The following ZZEF1 variants were observed in gnomAD, a reference collection of about 807,000 sequenced individuals.
ZZEF1 encodes zinc finger ZZ-type and EF-hand domain-containing protein 1.
In ZZEF1, 157 loss-of-function variants were observed where a neutral mutation model predicts 342.8. That is an observed-to-expected ratio of 0.46 (90% CI 0.40 to 0.52). ZZEF1 has a LOEUF of 0.52. ZZEF1 is among the 20% of genes least tolerant of loss of function. ZZEF1 has a pLI of 0.00. For missense variants in ZZEF1, 3,480 were observed against 3,725.6 expected (o/e 0.93, Z 1.72); for synonymous variants, 1,505 against 1,429.1 (o/e 1.05, Z -1.20).
chr17:4,136,474 C>T (rs767990630), intron 1 of ZZEF1, among the ~76,000 whole-genome samples: 13 of 152,060 alleles, frequency 8.5e-5, no homozygotes, highest in South Asian at 8.3e-4. Flanking sequence ...ATGGGTGAGG[C>T]GACTGAGACA....
chr17:4,008,864 G>T lies in ZZEF1; in HGVS notation c.8805+19C>A, dbSNP rs1459432446. On this transcript the variant is annotated intron_variant, in intron 54 of 54. Coordinates refer to ENST00000381638, the MANE Select transcript of ZZEF1 (RefSeq NM_015113.4). The surrounding 1 kb of genome is among the most constrained non-coding windows in gnomAD (Gnocchi z 4.2). ...GCGCCCCAGCCTGGGGGCCAGCTCTGTTGGGGTGGAGAGAGTACCTGTGCC... is the reference window on the plus strand; with the variant it reads ...GCGCCCCAGCCTGGGGGCCAGCTCTTTTGGGGTGGAGAGAGTACCTGTGCC... The T allele has an allele frequency of 6.5e-7, 1 of 1,545,402 alleles. No individual in the cohort carries two copies. The highest frequency in any genetic ancestry group is 1.2e-5 in the South Asian group (1 of 84,142).
At chr17:4,106,475 A>T (rs546934834) in intron 6 of ZZEF1, among the ~76,000 whole-genome samples, 18 of 112,330 alleles carry the variant, frequency 1.6e-4, no homozygotes, top group African/African-American at 4.6e-4. Flanking sequence ...TTCAGCAGCA[A>T]CAGGGAAAAA....
At chr17:4,117,445 A>G (rs1033283575) in intron 2 of ZZEF1, among the ~76,000 whole-genome samples, 5 of 152,178 alleles carry the variant, frequency 3.3e-5, no homozygotes, top group East Asian at 3.9e-4. Context: ...CAAGAGTTCG[A>G]TATCAGCCTG....
chr17:4,012,467 CTG>C (rs1176115489), intron 52 of ZZEF1, among the ~76,000 whole-genome samples: 1 of 152,068 alleles, frequency 6.6e-6, no homozygotes, highest in Non-Finnish European at 1.5e-5. Context: ...TTCTGTGTGT[CTG>C]TGTCTGTGTG....
chr17:4,050,789 T>C lies in ZZEF1; in HGVS notation c.5855A>G (p.Gln1952Arg), dbSNP rs760233585. Residue 1952 changes from glutamine to arginine, a missense_variant, in exon 36 of 55, where the codon CAG (glutamine) becomes CGG (arginine). Gln to Arg is a conservative substitution (Grantham distance 43, BLOSUM62 1). Around this residue, in one of 5 missense-constraint regions of ZZEF1, gnomAD observed 1,269 missense variants for 1,342.4 expected, o/e 0.95. Transcript: ENST00000381638. ...LVGDCLMKAH[Q>R]GKGLKALALL... ...GTGCATTGGGAAGTCACCTTTTCCC[T>C]GATGAGCCTTCATCAGACAGTCCCC... 5 of 1,613,768 alleles carry C rather than the reference T, an allele frequency of 3.1e-6. No individual in the cohort carries two copies. In the Admixed American group the frequency reaches 6.7e-5, roughly 22 times the overall value.
intron 52 of ZZEF1, among the ~76,000 whole-genome samples, chr17:4,012,731 G>A (rs534412343): frequency 1.2e-4 from 18 of 152,244 alleles, no homozygotes; most frequent in Non-Finnish European, 2.2e-4. Context: ...TGACACGACT[G>A]TACACCAAAT....
At chr17:4,093,739 C>A (rs987294407) in intron 11 of ZZEF1, among the ~76,000 whole-genome samples, 1 of 152,126 alleles carries the variant, frequency 6.6e-6, no homozygotes, top group Non-Finnish European at 1.5e-5. Context: ...CTATTAACAC[C>A]AGCAATCCAC....
chr17:4,033,026 G>A, intron 40 of ZZEF1, 24 bp from the exon 41 acceptor site: 6 of 1,547,466 alleles, frequency 3.9e-6, no homozygotes, highest in Non-Finnish European at 5.2e-6. Flanking sequence ...GCTCCATTAG[G>A]GGCAGTACAC....
chr17:4,113,939 A>G (rs2058354174), intron 4 of ZZEF1, among the ~76,000 whole-genome samples: 1 of 152,220 alleles, frequency 6.6e-6, no homozygotes, highest in South Asian at 2.1e-4. Flanking sequence ...ACTGCACTCC[A>G]GCCTGGGAGA....
At chr17:4,097,672 G>A (rs1446498556) in intron 9 of ZZEF1, among the ~76,000 whole-genome samples, 5 of 151,970 alleles carry the variant, frequency 3.3e-5, no homozygotes, top group Admixed American at 1.3e-4. Flanking sequence ...TATTCCTTAT[G>A]GATACTGACC....
chr17:4,044,507 C>G lies in ZZEF1; in HGVS notation c.6016-133G>C, dbSNP rs2056869501. 3.9e-6 allele frequency: 3 copies of G among 760,252 alleles called. No homozygotes were observed. The South Asian group carries it at 5.8e-5, about 15-fold the overall frequency. The allele number at this position is 760,252 out of a possible 1,614,324, so 47.1% of individuals were successfully genotyped here. A position where few individuals can be genotyped will look rare whatever the true frequency, so the allele number is the denominator to read the frequency against. ...TTGAATGCCATTAGAAAATGCCACT[C>G]ATTTCTTTTTTCTTTTTTGTGTGTT... is the stretch of plus-strand genomic sequence containing the variant. On this transcript the variant is annotated intron_variant, in intron 37 of 54. Coordinates refer to ENST00000381638, the MANE Select transcript of ZZEF1 (RefSeq NM_015113.4).
chr17:4,085,370 A>G (rs2057799315), intron 16 of ZZEF1, among the ~76,000 whole-genome samples: 1 of 152,206 alleles, frequency 6.6e-6, no homozygotes, highest in South Asian at 2.1e-4. Context: ...GAATTTGCCT[A>G]TAATACAAAG....
intron 17 of ZZEF1, 34 bp downstream of exon 17, chr17:4,082,403 G>C (rs2057740768): frequency 2.5e-6 from 4 of 1,608,122 alleles, no homozygotes; most frequent in Non-Finnish European, 3.4e-6. Flanking sequence ...AAAGATTTGA[G>C]TTATCCGACA....
intron 39 of ZZEF1, among the ~76,000 whole-genome samples, chr17:4,039,340 T>C (rs1310646646): frequency 6.6e-6 from 1 of 151,822 alleles, no homozygotes; most frequent in African/African-American, 2.4e-5. Flanking sequence ...CATGGTGGCA[T>C]GCGCCTGTAA....
rs199583833 is a variant in ZZEF1, at chr17:4,017,763, A to T, written c.7642-33T>A. 6.2e-7 allele frequency: 1 copy of T among 1,613,026 alleles called. No individual in the cohort carries two copies. Among genetic ancestry groups the T allele is most frequent in the South Asian group, 1.1e-5 (1 of 90,992 alleles). ...CCCAAGACCACCATTACAGAGGTCT[A>T]GCCTTCTTACAGTGGTGGTATGGGG... On this transcript the variant is annotated intron_variant, in intron 47 of 54. Coordinates refer to ENST00000381638, the MANE Select transcript of ZZEF1 (RefSeq NM_015113.4). This position sits in a 1 kb window ranked among gnomAD's most constrained non-coding sequence, Gnocchi z 5.1.
chr17:4,136,338 C>T lies in ZZEF1; in HGVS notation c.354+6204G>A, dbSNP rs1386738263. Among the ~76,000 whole-genome samples the T allele has an allele frequency of 1.5e-4, 8 of 52,746 alleles. No homozygotes were observed. The South Asian group carries it at 2.2e-3, about 15-fold the overall frequency. The allele number at this position is 52,746 out of a possible 152,430, so 34.6% of individuals were successfully genotyped here. ...CAGCCTGGGCGACAGAGTGAGACTC[C>T]GTCTCAAAAAAAAAAAAACAAAGAC... On this transcript the variant is annotated intron_variant, in intron 1 of 54. Transcript: ENST00000381638.
chr17:4,017,485 C>T lies in ZZEF1; in HGVS notation c.7887G>A (p.Glu2629=), dbSNP rs774157976. The part of the protein sequence containing the change: ...ARHVLASLLA[E]WPSHVPVSED... ...CGCTCACTGGCACGTGGCTAGGCCA[C>T]TCGGCGAGCAGGGATGCAAGCACGT... is the stretch of plus-strand genomic sequence containing the variant. The change falls in exon 48 of 55, where the codon GAG becomes GAA. Residue 2629 remains glutamate (E), a synonymous_variant. Coordinates refer to ENST00000381638, the MANE Select transcript of ZZEF1 (RefSeq NM_015113.4). The surrounding 1 kb of genome is among the most constrained non-coding windows in gnomAD (Gnocchi z 5.1). The T allele has an allele frequency of 6.2e-7, 1 of 1,614,268 alleles. No individual in the cohort carries two copies. Among genetic ancestry groups the T allele is most frequent in the Non-Finnish European group, 8.5e-7 (1 of 1,180,052 alleles).
rs758252836 is a variant in ZZEF1 at position 4,050,913 on chromosome 17, C to G, written c.5731G>C (p.Ala1911Pro). ...ACATCCTCTGCACTGGCCAGGTGGGCGCTATAGAGAGCCAGGGCAGCAAAG... is the reference window on the plus strand; with the variant it reads ...ACATCCTCTGCACTGGCCAGGTGGGGGCTATAGAGAGCCAGGGCAGCAAAG... ...LLFAALALYS[A>P]HLASAEDVDG... The change falls in exon 36 of 55, where the codon GCC (alanine) becomes CCC (proline). Residue 1911 changes from alanine to proline, a missense_variant. By Grantham distance (27) the Ala-to-Pro change is conservative. Coordinates refer to ENST00000381638, the MANE Select transcript of ZZEF1 (RefSeq NM_015113.4). The G allele has an allele frequency of 1.2e-6, 2 of 1,614,136 alleles. No individual in the cohort carries two copies. The highest frequency in any genetic ancestry group is 4.5e-5 in the East Asian group (2 of 44,878).
chr17:4,037,255 G>A (rs1365867587), intron 39 of ZZEF1, among the ~76,000 whole-genome samples: 2 of 152,184 alleles, frequency 1.3e-5, no homozygotes, highest in Non-Finnish European at 2.9e-5. Context: ...AAAGATTATG[G>A]TAGAAAAGGC....
Sources: gnomAD v4.1 joint callset for allele counts (sites outside exome capture counted in the v4.1 genomes callset) on GRCh38, gnomAD v4.1.1 for gene constraint, gnomAD v4.1.1 regional missense constraint, Gnocchi (gnomAD v3.1) non-coding constraint, MANE v1.5 for transcripts, NCBI Gene and HGNC (gene_info 2026-07-23, HGNC 2026-07-21) for gene names.